Variants in TMEM117 observed in about 807,000 individuals in gnomAD.
The protein encoded by TMEM117 is transmembrane protein 117.
In TMEM117, 27 loss-of-function variants were observed where a neutral mutation model predicts 52.4. That is an observed-to-expected ratio of 0.51 (90% CI 0.38 to 0.71). The LOEUF (loss-of-function observed/expected upper bound fraction) is 0.71. TMEM117 is among the 30% of genes least tolerant of loss of function. The pLI, the probability that TMEM117 is intolerant of heterozygous loss-of-function variation, is 0.00. For missense variants in TMEM117, 556 were observed against 630.5 expected (o/e 0.88, Z 1.26); for synonymous variants, 215 against 206.3 (o/e 1.04, Z -0.36).
chr12:44,122,928 G>A (rs1417021266), intron 3 of TMEM117, among the ~76,000 whole-genome samples: 1 of 152,170 alleles, frequency 6.6e-6, no homozygotes, highest in Non-Finnish European at 1.5e-5. Context: ...TATGTACCCA[G>A]TAATGAGATT....
intron 4 of TMEM117, among the ~76,000 whole-genome samples, chr12:44,173,729 A>G (rs1314255767): frequency 6.6e-6 from 1 of 152,004 alleles, no homozygotes; most frequent in African/African-American, 2.4e-5. Flanking sequence ...TTCATAAAAT[A>G]TTTGATTGCA....
intron 5 of TMEM117, among the ~76,000 whole-genome samples, chr12:44,268,617 A>T (rs919404394): frequency 6.6e-6 from 1 of 152,140 alleles, no homozygotes; most frequent in Admixed American, 6.6e-5. Context: ...TATTTGTTAC[A>T]TATATGTATA....
At chr12:44,296,473 G>A (rs1343881821) in intron 5 of TMEM117, among the ~76,000 whole-genome samples, 1 of 152,136 alleles carries the variant, frequency 6.6e-6, no homozygotes, top group African/African-American at 2.4e-5. Flanking sequence ...GCTGGAGCTG[G>A]GTCACAGGTC....
At chr12:44,307,495 G>T (rs572081161) in intron 6 of TMEM117, among the ~76,000 whole-genome samples, 1 of 152,148 alleles carries the variant, frequency 6.6e-6, no homozygotes, top group East Asian at 1.9e-4. Flanking sequence ...TTCTGTTATA[G>T]GGTCCCAAGT....
intron 2 of TMEM117, among the ~76,000 whole-genome samples, chr12:43,891,799 T>C (rs1944110712): frequency 6.6e-6 from 1 of 152,222 alleles, no homozygotes; most frequent in African/African-American, 2.4e-5. Context: ...TCTATTGTTT[T>C]AAAGTAGTCT....
chr12:44,192,549 A>G (rs1949368432), intron 4 of TMEM117, among the ~76,000 whole-genome samples: 1 of 152,214 alleles, frequency 6.6e-6, no homozygotes, highest in Non-Finnish European at 1.5e-5. Flanking sequence ...AGTTTCCAAG[A>G]GTCCTTTGAA....
intron 3 of TMEM117, among the ~76,000 whole-genome samples, chr12:43,949,484 A>G (rs1945186595): frequency 6.6e-6 from 1 of 152,158 alleles, no homozygotes; most frequent in Non-Finnish European, 1.5e-5. Flanking sequence ...TTAGCAGTCA[A>G]GTGTTCCCAG....
intron 3 of TMEM117, among the ~76,000 whole-genome samples, chr12:44,035,249 C>A (rs982815277): frequency 6.6e-6 from 1 of 152,160 alleles, no homozygotes; most frequent in South Asian, 2.1e-4. Flanking sequence ...AATGAAACAA[C>A]CTTGTAGACA....
intron 6 of TMEM117, among the ~76,000 whole-genome samples, chr12:44,321,116 T>G (rs1350436782): frequency 1.3e-5 from 2 of 152,372 alleles, no homozygotes; most frequent in East Asian, 3.9e-4. Context: ...GATCAGAAAC[T>G]GAAAGATTTG....
chr12:44,100,394 G>A (rs1010462386), intron 3 of TMEM117, among the ~76,000 whole-genome samples: 2 of 151,842 alleles, frequency 1.3e-5, no homozygotes, highest in African/African-American at 2.4e-5. Flanking sequence ...CTATGCATGC[G>A]GAGACCAATA....
intron 3 of TMEM117, among the ~76,000 whole-genome samples, chr12:43,980,217 A>C (rs1026886087): frequency 6.6e-6 from 1 of 152,142 alleles, no homozygotes; most frequent in Non-Finnish European, 1.5e-5. Context: ...AGGAGGAGGT[A>C]GTAAGGTAGG....
intron 6 of TMEM117, among the ~76,000 whole-genome samples, chr12:44,343,438 C>A (rs1565736451): frequency 6.6e-6 from 1 of 152,054 alleles, no homozygotes; most frequent in African/African-American, 2.4e-5. Flanking sequence ...GAAAAATTTA[C>A]ATCAAAAGTT....
chr12:44,276,893 T>G (rs1390930283), intron 5 of TMEM117, among the ~76,000 whole-genome samples: 1 of 146,670 alleles, frequency 6.8e-6, no homozygotes, highest in Non-Finnish European at 1.5e-5. Context: ...GAAAAGTTTG[T>G]GTGTGTGTGT....
chr12:44,048,316 C>G (rs1946912189), intron 3 of TMEM117, among the ~76,000 whole-genome samples: 1 of 151,942 alleles, frequency 6.6e-6, no homozygotes, highest in South Asian at 2.1e-4. Flanking sequence ...CTTCATTGAT[C>G]CTTTCTAAGT....
chr12:43,958,294 C>T (rs1004618919), intron 3 of TMEM117, among the ~76,000 whole-genome samples: 1 of 152,188 alleles, frequency 6.6e-6, no homozygotes, highest in Admixed American at 6.5e-5. Flanking sequence ...AAAAATCCTT[C>T]TGTGAACTGG....
chr12:44,288,429 T>C (rs1950662642), intron 5 of TMEM117, among the ~76,000 whole-genome samples: 1 of 152,166 alleles, frequency 6.6e-6, no homozygotes, highest in Non-Finnish European at 1.5e-5. Flanking sequence ...AACTGTTTCC[T>C]GAGATCTGTA....
At chr12:44,286,722 T>C (rs951638395) in intron 5 of TMEM117, among the ~76,000 whole-genome samples, 1 of 152,212 alleles carries the variant, frequency 6.6e-6, no homozygotes, top group Non-Finnish European at 1.5e-5. Context: ...TGGGAGATTA[T>C]CTGGATTTAT....
chr12:43,882,872 A>G (rs556547694), intron 2 of TMEM117, among the ~76,000 whole-genome samples: 3 of 152,212 alleles, frequency 2.0e-5, no homozygotes, highest in Non-Finnish European at 4.4e-5. Flanking sequence ...AAAAACTAAG[A>G]TTAACGATAA....
intron 3 of TMEM117, among the ~76,000 whole-genome samples, chr12:43,985,876 A>C (rs1329334603): frequency 2.6e-5 from 4 of 152,222 alleles, no homozygotes; most frequent in Admixed American, 2.0e-4. Context: ...GGTCCAGAGG[A>C]CATACTTCAA....
Sources: allele counts gnomAD v4.1 joint callset (sites outside exome capture counted in the v4.1 genomes callset), GRCh38; gene constraint gnomAD v4.1.1; transcripts MANE v1.5; gene names NCBI Gene and HGNC (gene_info 2026-07-23, HGNC 2026-07-21).